The following GRIA4 variants were observed in gnomAD, a reference collection of about 807,000 sequenced individuals.
GRIA4 encodes glutamate receptor 4.
In GRIA4, 34 loss-of-function variants were observed where a neutral mutation model predicts 104.0. The ratio of observed to expected loss-of-function variants is 0.33; its 90% CI spans 0.25 to 0.44. The LOEUF (loss-of-function observed/expected upper bound fraction) is 0.44. GRIA4 is among the 20% of genes least tolerant of loss of function. The pLI is 1.00. For missense variants in GRIA4, 750 were observed against 1,096.5 expected (o/e 0.68, Z 4.46); for synonymous variants, 386 against 381.9 (o/e 1.01, Z -0.13).
chr11:105,686,148 A>G (rs1952875433), intron 3 of GRIA4, among the ~76,000 whole-genome samples: 1 of 152,164 alleles, frequency 6.6e-6, no homozygotes, highest in Admixed American at 6.5e-5. Context: ...GCTGAGGTTT[A>G]GGGTATGAAT....
At chr11:105,816,212 T>C (rs1258217759) in intron 4 of GRIA4, among the ~76,000 whole-genome samples, 1 of 152,158 alleles carries the variant, frequency 6.6e-6, no homozygotes, top group Admixed American at 6.5e-5. Flanking sequence ...TTGTTTGTAT[T>C]TAAAAATAGT....
At chr11:105,751,864 G>C (rs1368719367) in intron 3 of GRIA4, among the ~76,000 whole-genome samples, 1 of 152,026 alleles carries the variant, frequency 6.6e-6, no homozygotes, top group Non-Finnish European at 1.5e-5. Context: ...TGTATTCATA[G>C]CTAATACAAG....
At chr11:105,850,488 A>T (rs908016790) in intron 4 of GRIA4, among the ~76,000 whole-genome samples, 1 of 152,302 alleles carries the variant, frequency 6.6e-6, no homozygotes, top group South Asian at 2.1e-4. Context: ...GTAACTCAAA[A>T]GCTTTTTGAC....
chr11:105,883,095 A>C (rs2136085552), intron 5 of GRIA4, among the ~76,000 whole-genome samples: 1 of 152,258 alleles, frequency 6.6e-6, no homozygotes, highest in Admixed American at 6.5e-5. Flanking sequence ...ACAAAAACAA[A>C]ACAAACAAAA....
chr11:105,822,828 A>C (rs1016836512), intron 4 of GRIA4, among the ~76,000 whole-genome samples: 10 of 152,096 alleles, frequency 6.6e-5, no homozygotes, highest in African/African-American at 2.4e-4. Context: ...TTCTTATGGG[A>C]GTGTATAATA....
intron 3 of GRIA4, among the ~76,000 whole-genome samples, chr11:105,653,512 T>C (rs2135388914): frequency 6.6e-6 from 1 of 152,312 alleles, no homozygotes; most frequent in Middle Eastern, 3.4e-3. Flanking sequence ...TGGCTAAGAA[T>C]GGCATGCAAT....
chr11:105,912,153 C>T, intron 10 of GRIA4: 2 of 1,027,256 alleles, frequency 1.9e-6, no homozygotes, highest in Non-Finnish European at 2.4e-6. Context: ...GCGATTCTGA[C>T]ATATCAATTC....
intron 16 of GRIA4, among the ~76,000 whole-genome samples, chr11:105,978,081 G>A (rs2136297328): frequency 6.6e-6 from 1 of 152,122 alleles, no homozygotes; most frequent in East Asian, 1.9e-4. Flanking sequence ...TTAGTGTACA[G>A]TTCTGCAGGT....
In GRIA4 at chr11:105,905,235, C is replaced by A; in HGVS notation, c.1092C>A (p.Asp364Glu). Residue 364 changes from aspartate to glutamate, a missense_variant, in exon 9 of 17, where the codon GAC becomes GAA. This residue lies in a region of GRIA4 where 410 missense variants were observed against 502.7 expected (regional missense o/e 0.82). Transcript: ENST00000282499. ...GGCTGACAGGGAATGTTCAGTTTGACCACTATGGACGTAGAGTCAATTACA... is the reference window on the plus strand; with the variant it reads ...GGCTGACAGGGAATGTTCAGTTTGAACACTATGGACGTAGAGTCAATTACA... Reference protein sequence around the residue: ...IQGLTGNVQFDHYGRRVNYTM... With the variant: ...IQGLTGNVQFEHYGRRVNYTM... 1 of 1,610,238 alleles carries A rather than the reference C, an allele frequency of 6.2e-7. No individual in the cohort carries two copies. Among genetic ancestry groups the A allele is most frequent in the Non-Finnish European group, 8.5e-7 (1 of 1,176,624 alleles).
At chr11:105,739,998 A>G (rs1939207813) in intron 3 of GRIA4, among the ~76,000 whole-genome samples, 1 of 152,146 alleles carries the variant, frequency 6.6e-6, no homozygotes, top group Non-Finnish European at 1.5e-5. Flanking sequence ...TTGACACTCA[A>G]TTCTAGGCTC....
At chr11:105,626,155 T>C (rs1184797194) in intron 3 of GRIA4, among the ~76,000 whole-genome samples, 2 of 152,058 alleles carry the variant, frequency 1.3e-5, no homozygotes, top group Non-Finnish European at 2.9e-5. Context: ...TCCACAACAG[T>C]TGCCATTTCA....
At chr11:105,726,220 T>G (rs1938197763) in intron 3 of GRIA4, among the ~76,000 whole-genome samples, 1 of 152,010 alleles carries the variant, frequency 6.6e-6, no homozygotes, top group African/African-American at 2.4e-5. Flanking sequence ...GGGCGTCCAC[T>G]ATTACTGAGG....
At chr11:105,958,355 C>T (rs1439389428) in intron 14 of GRIA4, among the ~76,000 whole-genome samples, 2 of 152,172 alleles carry the variant, frequency 1.3e-5, no homozygotes, top group Non-Finnish European at 1.5e-5. Context: ...GCCTTTTCTG[C>T]ATCTGTTGAG....
At chr11:105,949,142 T>G (rs1948402119) in intron 14 of GRIA4, among the ~76,000 whole-genome samples, 2 of 152,208 alleles carry the variant, frequency 1.3e-5, no homozygotes, top group Admixed American at 1.3e-4. Flanking sequence ...TAAGATTATT[T>G]TGTTTATACA....
chr11:105,735,673 G>A (rs1011067363), intron 3 of GRIA4, among the ~76,000 whole-genome samples: 17 of 151,964 alleles, frequency 1.1e-4, no homozygotes, highest in Admixed American at 2.6e-4. Flanking sequence ...GTGTCTAAAG[G>A]CCATGGGCAA....
intron 5 of GRIA4, among the ~76,000 whole-genome samples, chr11:105,887,223 T>A (rs1217566755): frequency 6.6e-6 from 1 of 152,096 alleles, no homozygotes; most frequent in East Asian, 1.9e-4. Context: ...TGTATTCTCA[T>A]GAGAAATATA....
At chr11:105,762,741 G>A (rs2135720313) in intron 4 of GRIA4, among the ~76,000 whole-genome samples, 1 of 152,270 alleles carries the variant, frequency 6.6e-6, no homozygotes, top group Non-Finnish European at 1.5e-5. Flanking sequence ...CCCTGCACAT[G>A]CTATCTAGCC....
intron 3 of GRIA4, among the ~76,000 whole-genome samples, chr11:105,687,230 T>C (rs1269692906): frequency 1.3e-5 from 2 of 152,166 alleles, no homozygotes; most frequent in Admixed American, 6.5e-5. Context: ...AACACATGAG[T>C]TGCTCTCCTG....
intron 8 of GRIA4, 41 bp from the exon 9 acceptor site, chr11:105,905,156 G>T: frequency 9.4e-7 from 1 of 1,064,168 alleles, no homozygotes; most frequent in East Asian, 2.4e-5. Flanking sequence ...TCCTATAAGT[G>T]AAATTGCAAG....
Sources: gnomAD v4.1 joint callset for allele counts (sites outside exome capture counted in the v4.1 genomes callset) on GRCh38, gnomAD v4.1.1 for gene constraint, gnomAD v4.1.1 regional missense constraint, MANE v1.5 for transcripts, NCBI Gene and HGNC (gene_info 2026-07-23, HGNC 2026-07-21) for gene names.